The following EML5 variants were observed in gnomAD, a reference collection of about 807,000 sequenced individuals.
EML5 encodes the protein echinoderm microtubule-associated protein-like 5.
EML5 carries 120 observed loss-of-function variants against 250.0 expected under a neutral mutation model. The ratio of observed to expected loss-of-function variants is 0.48; its 90% CI spans 0.41 to 0.56. EML5 has a LOEUF of 0.56. EML5 is among the 20% of genes least tolerant of loss of function. The probability of loss-of-function intolerance (pLI) is 0.00; values close to 1 mark genes in which losing one functional copy is unlikely to be tolerated. For missense variants in EML5, 2,006 were observed against 2,437.6 expected, an observed-to-expected ratio of 0.82 and a Z score of 3.73; for synonymous variants, 771 against 806.5, an observed-to-expected ratio of 0.96 and a Z score of 0.75.
chr14:88,664,472 T>A (rs1168855044), intron 23 of EML5, 21 bp downstream of exon 23: 1 of 1,572,380 alleles, frequency 6.4e-7, no homozygotes, highest in South Asian at 1.2e-5. Context: ...TTATCAAGTA[T>A]TAAGTTATTT....
intron 30 of EML5, among the ~76,000 whole-genome samples, 163 bp downstream of exon 30, chr14:88,644,268 CAG>C (rs780843569): frequency 5.3e-5 from 8 of 152,074 alleles, no homozygotes; most frequent in Admixed American, 2.0e-4. Flanking sequence ...TTAAGAGAAA[CAG>C]AGAATATCCA....
chr14:88,708,882 T>C (rs1486383993), intron 10 of EML5, among the ~76,000 whole-genome samples: 1 of 152,106 alleles, frequency 6.6e-6, no homozygotes, highest in East Asian at 1.9e-4. Context: ...CATCAATTAG[T>C]ACAAATATCT....
intron 14 of EML5, among the ~76,000 whole-genome samples, chr14:88,702,132 G>C (rs1200964263): frequency 1.3e-5 from 2 of 152,002 alleles, no homozygotes; most frequent in Non-Finnish European, 2.9e-5. Context: ...TCAACCTAAA[G>C]ACACCAGATT....
In EML5 at chr14:88,660,345, G is replaced by A. The variant is rs942027104; in HGVS notation, c.3675+1309C>T. ...GACTTGATATATAAATTTTATTTCCGTGTTAAGGAAAAGCCTAATATTTTA... is the reference window on the plus strand; with the variant it reads ...GACTTGATATATAAATTTTATTTCCATGTTAAGGAAAAGCCTAATATTTTA... On this transcript the variant is annotated intron_variant, in intron 25 of 43. Coordinates refer to ENST00000554922, the MANE Select transcript of EML5 (RefSeq NM_183387.3). 5.9e-5 allele frequency among the ~76,000 whole-genome samples: 9 copies of A among 151,654 alleles called. No individual in the cohort carries two copies. In the East Asian group the frequency reaches 7.7e-4, roughly 13 times the overall value.
chr14:88,724,672 C>A (rs1270261809), intron 8 of EML5, among the ~76,000 whole-genome samples: 1 of 152,174 alleles, frequency 6.6e-6, no homozygotes, highest in African/African-American at 2.4e-5. Context: ...AGTGAGCACT[C>A]CAATTCCAGT....
At chr14:88,703,413 A>G (rs2093256504) in intron 13 of EML5, among the ~76,000 whole-genome samples, 1 of 152,166 alleles carries the variant, frequency 6.6e-6, no homozygotes, top group Admixed American at 6.5e-5. Flanking sequence ...AATACAACGT[A>G]TATTCCAAAA....
chr14:88,616,921 GGGCA>G, intron 41 of EML5, 42 bp from the exon 42 acceptor site: 1 of 1,593,516 alleles, frequency 6.3e-7, no homozygotes, highest in Non-Finnish European at 8.6e-7. Context: ...TGGCAAGTGC[GGGCA>G]GGTTGACTAT....
chr14:88,757,878 TCTCA>T (rs1420768840), intron 1 of EML5, among the ~76,000 whole-genome samples: 1 of 151,690 alleles, frequency 6.6e-6, no homozygotes, highest in Non-Finnish European at 1.5e-5. Context: ...TCAGACAGGG[TCTCA>T]CTCTGTCACC....
intron 8 of EML5, among the ~76,000 whole-genome samples, chr14:88,720,208 T>C (rs1400126327): frequency 1.3e-5 from 2 of 151,944 alleles, no homozygotes; most frequent in East Asian, 1.9e-4. Flanking sequence ...CTACCAGAAA[T>C]ACAAAGAGGA....
rs780791722 is a variant in EML5 at position 88,664,527 on chromosome 14, G to A, written c.3375C>T (p.Thr1125=). ...SKRVGICKGA[T]SYITHIDWDI... ...CCCAATCAATATGGGTTATGTAACTGGTAGCTCCTTTGCATATTCCTACTC... is the reference window on the plus strand; with the variant it reads ...CCCAATCAATATGGGTTATGTAACTAGTAGCTCCTTTGCATATTCCTACTC... Residue 1125 remains threonine (T), a synonymous_variant, in exon 23 of 44, where the codon ACC becomes ACT. Coordinates refer to ENST00000554922, the MANE Select transcript of EML5 (RefSeq NM_183387.3). 6.2e-7 allele frequency: 1 copy of A among 1,609,016 alleles called. No individual in the cohort carries two copies. Among genetic ancestry groups the A allele is most frequent in the South Asian group, 1.1e-5 (1 of 89,708 alleles).
At chr14:88,781,715 T>C (rs928516180) in intron 1 of EML5, among the ~76,000 whole-genome samples, 3 of 152,158 alleles carry the variant, frequency 2.0e-5, no homozygotes, top group Non-Finnish European at 4.4e-5. Flanking sequence ...AAAGGGCTTT[T>C]CCCCCTCTTC....
At chr14:88,781,673 T>C (rs1443259197) in intron 1 of EML5, among the ~76,000 whole-genome samples, 3 of 152,186 alleles carry the variant, frequency 2.0e-5, no homozygotes, top group African/African-American at 4.8e-5. Context: ...GTTCTCATGA[T>C]AGTGAGTTCC....
At chr14:88,674,108 A>G (rs1022064333) in intron 21 of EML5, among the ~76,000 whole-genome samples, 3 of 152,112 alleles carry the variant, frequency 2.0e-5, no homozygotes, top group African/African-American at 7.2e-5. Context: ...GTCTCTACTA[A>G]AAGTACAAAA....
At chr14:88,734,398 C>T (rs902034229) in intron 7 of EML5, among the ~76,000 whole-genome samples, 3 of 152,030 alleles carry the variant, frequency 2.0e-5, no homozygotes, top group East Asian at 1.9e-4. Context: ...GCATTCTCAA[C>T]GGGGGCAATA....
intron 7 of EML5, among the ~76,000 whole-genome samples, chr14:88,732,873 C>T (rs756187588): frequency 8.5e-5 from 13 of 152,066 alleles, no homozygotes; most frequent in Admixed American, 3.3e-4. Flanking sequence ...TGCAGTGGCG[C>T]GATCTCAGCT....
intron 1 of EML5, among the ~76,000 whole-genome samples, chr14:88,778,012 G>C (rs892914706): frequency 6.6e-6 from 1 of 152,316 alleles, no homozygotes; most frequent in South Asian, 2.1e-4. Context: ...AGGGGACCAA[G>C]TTAGGGCATA....
Position 88,694,335 on chromosome 14 carries a change from A to G in EML5, c.2511T>C (p.Ile837=). 1 of 1,592,014 alleles carries G rather than the reference A, an allele frequency of 6.3e-7. No homozygotes were observed. The highest frequency in any genetic ancestry group is 1.1e-5 in the South Asian group (1 of 87,082). The change falls in exon 17 of 44, where the codon ATT becomes ATC. Residue 837 remains isoleucine (I), a synonymous_variant. Coordinates refer to ENST00000554922, the MANE Select transcript of EML5 (RefSeq NM_183387.3). ...CTTTACGCCAAAATTTCATGTGTTT[A>G]ATTCCAGCTGTAATTAGTTTATCAG... The part of the protein sequence containing the change: ...YVPDKLITAG[I]KHMKFWRKAG...
chr14:88,706,008 C>A, intron 11 of EML5: 1 of 532,160 alleles, frequency 1.9e-6, no homozygotes, highest in Non-Finnish European at 3.3e-6. Flanking sequence ...GTTTGTTTTG[C>A]TATTAATATA....
In EML5 at chr14:88,661,735, A is replaced by G; in HGVS notation, c.3594T>C (p.Ala1198=). 6.2e-7 allele frequency: 1 copy of G among 1,613,780 alleles called. No homozygotes were observed. The highest frequency in any genetic ancestry group is 8.5e-7 in the Non-Finnish European group (1 of 1,179,796). ...PVIGEVTDVT[A]SCLTSDKMVL... ...CCATTTTGTCACTGGTGAGGCAAGA[A>G]GCAGTTACATCTGTAACTTCTCCAA... Residue 1198 remains alanine (A), a synonymous_variant, in exon 25 of 44, where the codon GCT becomes GCC. Transcript: ENST00000554922.
Sources: allele counts gnomAD v4.1 joint callset (sites outside exome capture counted in the v4.1 genomes callset), GRCh38; gene constraint gnomAD v4.1.1; transcripts MANE v1.5; gene names NCBI Gene and HGNC (gene_info 2026-07-23, HGNC 2026-07-21).